ELP4: variants seen among roughly 807,000 people sequenced by gnomAD.
ELP4 encodes elongator acetyltransferase complex subunit 4.
A neutral mutation model predicts 48.9 loss-of-function variants in ELP4; 51 were observed. The ratio of observed to expected loss-of-function variants is 1.04; its 90% CI spans 0.83 to 1.32. The LOEUF is 1.32. ELP4 is among the 40% of genes most tolerant of loss of function. The probability of loss-of-function intolerance (pLI) is 0.00; values close to 1 mark genes in which losing one functional copy is unlikely to be tolerated. For missense variants in ELP4, 519 were observed against 514.6 expected, an observed-to-expected ratio of 1.01 and a Z score of -0.08; for synonymous variants, 210 against 189.2, an observed-to-expected ratio of 1.11 and a Z score of -0.90.
intron 9 of ELP4, among the ~76,000 whole-genome samples, chr11:31,682,296 A>G (rs1946070134): frequency 6.6e-6 from 1 of 152,142 alleles, no homozygotes; most frequent in South Asian, 2.1e-4. Flanking sequence ...AATAAGACTC[A>G]TAGGTGCTTG....
intron 7 of ELP4, 124 bp from the exon 8 acceptor site, chr11:31,647,617 G>A: frequency 1.7e-6 from 1 of 602,752 alleles, no homozygotes; most frequent in Non-Finnish European, 2.9e-6. Context: ...TAACTTTTAA[G>A]TTATTTCACT....
chr11:31,602,682 C>G (rs1046789104), intron 4 of ELP4, among the ~76,000 whole-genome samples: 3 of 151,836 alleles, frequency 2.0e-5, no homozygotes, highest in Non-Finnish European at 4.4e-5. Flanking sequence ...GTCTTAAATG[C>G]AAATATCTAG....
At chr11:31,521,345 T>C (rs1399514439) in intron 2 of ELP4, among the ~76,000 whole-genome samples, 4 of 151,980 alleles carry the variant, frequency 2.6e-5, no homozygotes, top group African/African-American at 9.7e-5. Context: ...CTTCATGTTA[T>C]CTCCCTTTTA....
intron 7 of ELP4, among the ~76,000 whole-genome samples, chr11:31,634,981 T>C (rs957422498): frequency 2.0e-5 from 3 of 151,980 alleles, no homozygotes; most frequent in Non-Finnish European, 4.4e-5. Context: ...CATATAGTAG[T>C]CTTCTGGCCC....
At chr11:31,733,431 C>G (rs180821142) in intron 9 of ELP4, among the ~76,000 whole-genome samples, 3 of 135,986 alleles carry the variant, frequency 2.2e-5, no homozygotes, top group Non-Finnish European at 3.0e-5. Context: ...GAGCCAAGAT[C>G]ACGCCACTGC....
intron 9 of ELP4, among the ~76,000 whole-genome samples, chr11:31,692,777 T>C (rs951832246): frequency 1.3e-5 from 2 of 152,140 alleles, no homozygotes; most frequent in African/African-American, 4.8e-5. Flanking sequence ...CTCCTACCAC[T>C]GTGGTCTCAG....
rs1183692973 is a variant in ELP4 at position 31,768,096 on chromosome 11, T to C, written c.1144-15297T>C. 4 of 152,216 alleles carry C rather than the reference T, an allele frequency of 2.6e-5. 1 individual carries two copies. The allele number at this position is 152,216 out of a possible 1,614,324, so 9.4% of individuals were successfully genotyped here. ...GAAATCAAAAGGAAAATGGGAGTTT[T>C]CATTTCAGAGGGCTCTGATACTTAA... On this transcript the variant is annotated intron_variant, in intron 9 of 9. Coordinates refer to ENST00000640961, the MANE Select transcript of ELP4 (RefSeq NM_019040.5).
intron 9 of ELP4, among the ~76,000 whole-genome samples, chr11:31,677,181 C>T (rs1012562346): frequency 1.3e-5 from 2 of 152,218 alleles, no homozygotes; most frequent in African/African-American, 2.4e-5. Context: ...AGGACAATCT[C>T]CTCACTTTCT....
At chr11:31,533,950 C>T (rs1352815684) in intron 2 of ELP4, among the ~76,000 whole-genome samples, 1 of 152,108 alleles carries the variant, frequency 6.6e-6, no homozygotes, top group Non-Finnish European at 1.5e-5. Flanking sequence ...ATTCTCCTGG[C>T]ACAGCCTCCC....
intron 9 of ELP4, among the ~76,000 whole-genome samples, chr11:31,720,704 C>A (rs1196091051): frequency 6.6e-6 from 1 of 152,026 alleles, no homozygotes; most frequent in African/African-American, 2.4e-5. Flanking sequence ...ATTAAGTGTC[C>A]ACCAGTGAGT....
At chr11:31,551,245 T>C (rs1956845552) in intron 3 of ELP4, among the ~76,000 whole-genome samples, 1 of 152,146 alleles carries the variant, frequency 6.6e-6, no homozygotes, top group Non-Finnish European at 1.5e-5. Context: ...ATGAACAAGA[T>C]GAGGTTTTTT....
intron 5 of ELP4, among the ~76,000 whole-genome samples, chr11:31,621,079 T>C (rs1350196284): frequency 6.6e-6 from 1 of 151,954 alleles, no homozygotes; most frequent in East Asian, 1.9e-4. Context: ...GCAAATTATA[T>C]GCTAATATAA....
chr11:31,532,143 A>G (rs1245148609), intron 2 of ELP4, among the ~76,000 whole-genome samples: 6 of 152,190 alleles, frequency 3.9e-5, no homozygotes, highest in East Asian at 1.9e-4. Flanking sequence ...CTCAAGCCCA[A>G]AGGAAATGGT....
intron 9 of ELP4, among the ~76,000 whole-genome samples, chr11:31,664,785 G>A (rs1278902250): frequency 6.6e-6 from 1 of 151,792 alleles, no homozygotes; most frequent in African/African-American, 2.4e-5. Context: ...TATCTAAAAG[G>A]GTACTCCTTA....
intron 9 of ELP4, among the ~76,000 whole-genome samples, chr11:31,661,414 C>T (rs1411963896): frequency 6.6e-6 from 1 of 151,996 alleles, no homozygotes; most frequent in Non-Finnish European, 1.5e-5. Context: ...ATCCATTCTG[C>T]ACTGTTTTGT....
rs539956195 is a variant in ELP4, at chr11:31,689,003, A to C, written c.1143+38782A>C. The stretch of plus-strand genomic sequence containing the variant: ...TTGTCATTGAGTGGAATGCTGAACA[A>C]AATTTCTATGGCACATAAGCACCTT... On this transcript the variant is annotated intron_variant, in intron 9 of 9. Coordinates refer to ENST00000640961, the MANE Select transcript of ELP4 (RefSeq NM_019040.5). Among the ~76,000 whole-genome samples the C allele has an allele frequency of 9.9e-5, 15 of 152,280 alleles. No individual in the cohort carries two copies. In the South Asian group the frequency reaches 3.1e-3, roughly 32 times the overall value.
intron 9 of ELP4, among the ~76,000 whole-genome samples, chr11:31,743,836 G>A (rs1310617824): frequency 3.3e-5 from 5 of 152,064 alleles, no homozygotes; most frequent in Non-Finnish European, 5.9e-5. Flanking sequence ...CAATTAAAGA[G>A]CTAGAAAAGC....
chr11:31,551,552 A>G (rs1013339831), intron 3 of ELP4, among the ~76,000 whole-genome samples: 12 of 152,324 alleles, frequency 7.9e-5, no homozygotes, highest in Admixed American at 7.2e-4. Flanking sequence ...ACAAATTAGT[A>G]TAAGTTTATT....
intron 3 of ELP4, among the ~76,000 whole-genome samples, chr11:31,560,446 A>T (rs2984811): frequency 6.6e-6 from 1 of 151,434 alleles, no homozygotes; most frequent in South Asian, 2.1e-4. Context: ...CAGACATAGA[A>T]TCTTTCTATA....
Sources: gnomAD v4.1 joint callset for allele counts (sites outside exome capture counted in the v4.1 genomes callset) on GRCh38, gnomAD v4.1.1 for gene constraint, MANE v1.5 for transcripts, NCBI Gene and HGNC (gene_info 2026-07-23, HGNC 2026-07-21) for gene names.